The following PLCB4 variants were observed in gnomAD, a reference collection of about 807,000 sequenced individuals.
PLCB4 encodes the protein 1-phosphatidylinositol 4,5-bisphosphate phosphodiesterase beta-4.
PLCB4 carries 77 observed loss-of-function variants against 178.8 expected under a neutral mutation model. The ratio of observed to expected loss-of-function variants is 0.43; its 90% CI spans 0.36 to 0.52. The LOEUF (loss-of-function observed/expected upper bound fraction) is 0.52, where lower values mean the gene tolerates loss of function less well. Ranked by LOEUF, PLCB4 falls within the 20% of genes least tolerant of loss-of-function variation. The probability of loss-of-function intolerance (pLI) is 0.00; values close to 1 mark genes in which losing one functional copy is unlikely to be tolerated. For synonymous variants in PLCB4, 496 were observed against 490.8 expected (o/e 1.01, Z -0.14); for missense variants, 1,024 against 1,453.4 (o/e 0.70, Z 4.80).
intron 3 of PLCB4, among the ~76,000 whole-genome samples, chr20:9,300,872 T>C (rs2094694350): frequency 6.6e-6 from 1 of 152,022 alleles, no homozygotes; most frequent in Non-Finnish European, 1.5e-5. Context: ...TATAAAAAAT[T>C]AGCACAAACT....
chr20:9,407,501 CT>C (rs1220102768), intron 21 of PLCB4, among the ~76,000 whole-genome samples: 1 of 151,952 alleles, frequency 6.6e-6, no homozygotes, highest in Non-Finnish European at 1.5e-5. Flanking sequence ...TCCCAAGTAG[CT>C]GGAATTACAG....
chr20:9,410,002 T>C (rs2039742376), intron 24 of PLCB4, among the ~76,000 whole-genome samples: 1 of 152,246 alleles, frequency 6.6e-6, no homozygotes, highest in Non-Finnish European at 1.5e-5. Context: ...TTCAACTCTT[T>C]GCTATTAAGA....
intron 2 of PLCB4, among the ~76,000 whole-genome samples, chr20:9,176,901 G>T (rs1396711843): frequency 6.6e-6 from 1 of 152,306 alleles, no homozygotes; most frequent in Non-Finnish European, 1.5e-5. Context: ...TTTTGGGGCT[G>T]TGACTTCTGG....
At chr20:9,444,318 C>A in intron 32 of PLCB4, 75 bp downstream of exon 32, 2 of 848,032 alleles carry the variant, frequency 2.4e-6, no homozygotes, top group Non-Finnish European at 3.9e-6. Context: ...TACTTTGAAG[C>A]TGATACCAGA....
At chr20:9,348,822 C>T (rs1261385016) in intron 7 of PLCB4, among the ~76,000 whole-genome samples, 1 of 152,138 alleles carries the variant, frequency 6.6e-6, no homozygotes, top group Admixed American at 6.6e-5. Flanking sequence ...TCACCTGTAT[C>T]AGTGAAGTTA....
intron 35 of PLCB4, among the ~76,000 whole-genome samples, chr20:9,467,064 T>C (rs2043835195): frequency 6.6e-6 from 1 of 152,098 alleles, no homozygotes; most frequent in Non-Finnish European, 1.5e-5. Flanking sequence ...ATTAAAAAAA[T>C]GTGGCACATA....
chr20:9,476,823 C>A, intron 39 of PLCB4, 70 bp downstream of exon 39: 2 of 1,022,188 alleles, frequency 2.0e-6, no homozygotes, highest in South Asian at 2.6e-5. Context: ...TCTGTGCAGT[C>A]TCCATTTATG....
intron 4 of PLCB4, among the ~76,000 whole-genome samples, chr20:9,319,193 T>C (rs889931217): frequency 6.6e-6 from 1 of 152,172 alleles, no homozygotes; most frequent in African/African-American, 2.4e-5. Context: ...ATGAATTCTT[T>C]TTTCTGTTGA....
At chr20:9,137,561 A>T (rs2092408150) in intron 2 of PLCB4, among the ~76,000 whole-genome samples, 1 of 152,114 alleles carries the variant, frequency 6.6e-6, no homozygotes, top group African/African-American at 2.4e-5. Context: ...AGTTAATTAT[A>T]ATGTATTTAA....
At chr20:9,265,091 G>A (rs2094335654) in intron 3 of PLCB4, among the ~76,000 whole-genome samples, 1 of 152,162 alleles carries the variant, frequency 6.6e-6, no homozygotes. Context: ...CCCTTTCTTG[G>A]AGATTATTTC....
chr20:9,246,599 A>T (rs1331174560), intron 3 of PLCB4, among the ~76,000 whole-genome samples: 1 of 151,922 alleles, frequency 6.6e-6, no homozygotes, highest in African/African-American at 2.4e-5. Context: ...TCTTGAGGAC[A>T]GCACTGCTTT....
At chr20:9,315,033 G>A (rs993494436) in intron 4 of PLCB4, among the ~76,000 whole-genome samples, 3 of 152,008 alleles carry the variant, frequency 2.0e-5, no homozygotes, top group Non-Finnish European at 4.4e-5. Flanking sequence ...CACCATGCCC[G>A]GCTAACTTTT....
At chr20:9,442,111 C>T (rs1302859817) in intron 30 of PLCB4, among the ~76,000 whole-genome samples, 3 of 152,298 alleles carry the variant, frequency 2.0e-5, no homozygotes, top group Non-Finnish European at 4.4e-5. Flanking sequence ...GCCTGTAGAC[C>T]TGCACAGTCC....
intron 2 of PLCB4, among the ~76,000 whole-genome samples, chr20:9,104,173 A>G (rs1303499206): frequency 1.3e-5 from 2 of 152,170 alleles, no homozygotes; most frequent in African/African-American, 4.8e-5. Context: ...ATGCCTGGCA[A>G]GTTGATGCCA....
intron 3 of PLCB4, among the ~76,000 whole-genome samples, chr20:9,253,890 G>C (rs2094206829): frequency 6.6e-6 from 1 of 152,212 alleles, no homozygotes; most frequent in East Asian, 1.9e-4. Context: ...AATTTTAGCA[G>C]GACACACATG....
chr20:9,413,505 A>G (rs2040011729), intron 25 of PLCB4, among the ~76,000 whole-genome samples: 1 of 151,804 alleles, frequency 6.6e-6, no homozygotes, highest in South Asian at 2.1e-4. Context: ...TAAAAATACA[A>G]AAAATTAGCC....
At chr20:9,430,948 AT>A (rs1228055528) in intron 28 of PLCB4, among the ~76,000 whole-genome samples, 3 of 152,122 alleles carry the variant, frequency 2.0e-5, no homozygotes, top group East Asian at 1.9e-4. Context: ...TAAGTAGTGA[AT>A]TTTTTTCCCC....
At chr20:9,318,346 C>A (rs1434857697) in intron 4 of PLCB4, among the ~76,000 whole-genome samples, 1 of 151,646 alleles carries the variant, frequency 6.6e-6, no homozygotes, top group Non-Finnish European at 1.5e-5. Flanking sequence ...TGAAATCATG[C>A]TGAATCGCTT....
chr20:9,332,014 T>TGGATG (rs2031744362), intron 4 of PLCB4, among the ~76,000 whole-genome samples: 1 of 152,350 alleles, frequency 6.6e-6, no homozygotes, highest in Admixed American at 6.5e-5. Flanking sequence ...CTGGATGAGC[T>TGGATG]AACGTGTCCT....
Sources: gnomAD v4.1 joint callset for allele counts (sites outside exome capture counted in the v4.1 genomes callset) on GRCh38, gnomAD v4.1.1 for gene constraint, MANE v1.5 for transcripts, NCBI Gene and HGNC (gene_info 2026-07-23, HGNC 2026-07-21) for gene names.